Variants in PSMB7 observed in about 807,000 individuals in gnomAD.
The protein encoded by PSMB7 is proteasome subunit beta type-7.
PSMB7 carries 5 observed loss-of-function variants against 28.1 expected under a neutral mutation model. The observed-to-expected ratio is 0.18, with a 90% CI of 0.09 to 0.37. PSMB7 has a LOEUF of 0.37. PSMB7 is among the 10% of genes least tolerant of loss of function. The pLI, the probability that PSMB7 is intolerant of heterozygous loss-of-function variation, is 1.00. For missense variants in PSMB7, 275 were observed against 346.2 expected (o/e 0.79, Z 1.63); for synonymous variants, 122 against 123.7 (o/e 0.99, Z 0.09).
chr9:124,368,101 CTCTTTCACCAAAAATTATAT>C (rs562878364), intron 6 of PSMB7, among the ~76,000 whole-genome samples: 1 of 152,196 alleles, frequency 6.6e-6, no homozygotes, highest in Non-Finnish European at 1.5e-5. Flanking sequence ...TTCATTTATT[CTCTTTCACCAAAAATTATAT>C]TCTAAAAAGA....
intron 3 of PSMB7, 29 bp downstream of exon 3, chr9:124,413,879 A>C (rs1212340337): frequency 9.6e-6 from 14 of 1,454,578 alleles, no homozygotes; most frequent in Non-Finnish European, 1.3e-5. Flanking sequence ...TTGAAAATAT[A>C]AGAGTTATTC....
intron 6 of PSMB7, 97 bp from the exon 7 acceptor site, chr9:124,357,012 G>A (rs1172083962): frequency 9.9e-6 from 13 of 1,316,040 alleles, no homozygotes; most frequent in South Asian, 4.1e-5. Context: ...AAGACCTCCC[G>A]CGAGACAGGT....
intron 5 of PSMB7, among the ~76,000 whole-genome samples, chr9:124,402,127 C>A (rs1830916635): frequency 1.3e-5 from 2 of 152,198 alleles, no homozygotes; most frequent in East Asian, 1.9e-4. Context: ...TCTCCTTAAT[C>A]TGGCATTTTA....
Position 124,415,345 on chromosome 9 carries a change from G to A in PSMB7, c.62+19C>T, listed in dbSNP as rs893256581. ...GCACTCTTCTCCCTCCCTGAACCAAGCCCCAAGCAAGGCGGCACCTGCGGC... is the reference window on the plus strand; with the variant it reads ...GCACTCTTCTCCCTCCCTGAACCAAACCCCAAGCAAGGCGGCACCTGCGGC... On this transcript the variant is annotated intron_variant, in intron 1 of 7. Coordinates refer to ENST00000259457, the MANE Select transcript of PSMB7 (RefSeq NM_002799.4). The A allele has an allele frequency of 1.2e-6, 2 of 1,612,954 alleles. No homozygotes were observed. The highest frequency in any genetic ancestry group is 2.2e-5 in the East Asian group (1 of 44,856).
chr9:124,371,999 A>G lies in PSMB7; in HGVS notation c.570+12599T>C, dbSNP rs576408434. ...TCTAGGAAATATGTAAAGCAAAAAC[A>G]TTGCTTTTTACAAAAACACTGCTTT... On this transcript the variant is annotated intron_variant, in intron 6 of 7. Transcript: ENST00000259457. 2.0e-5 allele frequency among the ~76,000 whole-genome samples: 3 copies of G among 152,384 alleles called. No homozygotes were observed. The East Asian group carries it at 5.8e-4, about 29-fold the overall frequency.
At chr9:124,390,445 T>C (rs1014509544) in intron 5 of PSMB7, among the ~76,000 whole-genome samples, 1 of 151,542 alleles carries the variant, frequency 6.6e-6, no homozygotes, top group African/African-American at 2.4e-5. Flanking sequence ...GAAGTAAATG[T>C]AAAGGTTCAA....
At chr9:124,363,437 C>A (rs1361065345) in intron 6 of PSMB7, among the ~76,000 whole-genome samples, 2 of 152,234 alleles carry the variant, frequency 1.3e-5, no homozygotes, top group East Asian at 3.8e-4. Flanking sequence ...TGCACTGAGT[C>A]ACAGACTTGA....
intron 5 of PSMB7, among the ~76,000 whole-genome samples, chr9:124,402,642 A>T (rs1442619927): frequency 6.6e-6 from 1 of 152,220 alleles, no homozygotes; most frequent in African/African-American, 2.4e-5. Context: ...ATCTGAGTAA[A>T]GGACAGATCA....
chr9:124,394,486 A>G (rs1165618436), intron 5 of PSMB7, among the ~76,000 whole-genome samples: 1 of 152,186 alleles, frequency 6.6e-6, no homozygotes, highest in Non-Finnish European at 1.5e-5. Context: ...ATTTCCTTTA[A>G]CTGTTCTGAA....
intron 5 of PSMB7, among the ~76,000 whole-genome samples, chr9:124,399,601 G>A (rs1185259410): frequency 6.6e-6 from 1 of 152,196 alleles, no homozygotes; most frequent in Non-Finnish European, 1.5e-5. Flanking sequence ...ATGAGAAAAA[G>A]GGCCTAGAGC....
Position 124,356,740 on chromosome 9 carries a change from A to G in PSMB7, c.722+24T>C, listed in dbSNP as rs947351221. Reference sequence around the variant, plus strand: ...TGGCCACGACGCCAGGGGACCCAGGAAGAACTTCGTCTCCTTCACTCACCT... The same window carrying G: ...TGGCCACGACGCCAGGGGACCCAGGGAGAACTTCGTCTCCTTCACTCACCT... On this transcript the variant is annotated intron_variant, in intron 7 of 7. Coordinates refer to ENST00000259457, the MANE Select transcript of PSMB7 (RefSeq NM_002799.4). This position sits in a 1 kb window ranked among gnomAD's most constrained non-coding sequence, Gnocchi z 4.4. 3.8e-6 allele frequency: 6 copies of G among 1,598,940 alleles called. No individual in the cohort carries two copies. The highest frequency in any genetic ancestry group is 5.1e-6 in the Non-Finnish European group (6 of 1,168,988).
chr9:124,414,111 A>T (rs2131184469), intron 2 of PSMB7, 106 bp from the exon 3 acceptor site: 1 of 639,962 alleles, frequency 1.6e-6, no homozygotes, highest in Non-Finnish European at 2.7e-6. Context: ...TGCTCCCCTA[A>T]TCTCAAAACG....
intron 2 of PSMB7, 126 bp downstream of exon 2, chr9:124,414,716 A>T: frequency 8.1e-6 from 6 of 737,142 alleles, no homozygotes. Flanking sequence ...CTCCTGAAAG[A>T]CGGTCTCCTG....
At chr9:124,379,908 A>G (rs1276922093) in intron 6 of PSMB7, among the ~76,000 whole-genome samples, 1 of 152,214 alleles carries the variant, frequency 6.6e-6, no homozygotes, top group Non-Finnish European at 1.5e-5. Flanking sequence ...GGGTTATCCT[A>G]CTGTCTCAAG....
intron 4 of PSMB7, among the ~76,000 whole-genome samples, chr9:124,407,024 G>T (rs1353363149): frequency 6.6e-6 from 1 of 152,098 alleles, no homozygotes; most frequent in African/African-American, 2.4e-5. Flanking sequence ...AGAAGAATTA[G>T]ATCTACATTT....
At chr9:124,376,769 C>A (rs1211586563) in intron 6 of PSMB7, among the ~76,000 whole-genome samples, 1 of 152,202 alleles carries the variant, frequency 6.6e-6, no homozygotes, top group African/African-American at 2.4e-5. Context: ...TGGCTGAACC[C>A]ATCGGAGGGC....
intron 6 of PSMB7, among the ~76,000 whole-genome samples, chr9:124,371,821 T>G (rs1010304341): frequency 6.6e-6 from 1 of 152,216 alleles, no homozygotes; most frequent in African/African-American, 2.4e-5. Flanking sequence ...TTCAACACTA[T>G]CTCTGAATCT....
intron 5 of PSMB7, among the ~76,000 whole-genome samples, chr9:124,386,440 C>G (rs187941152): frequency 9.8e-5 from 15 of 152,332 alleles, no homozygotes; most frequent in South Asian, 4.1e-4. Context: ...GAGAACCAGT[C>G]TCAGACTTAC....
At chr9:124,414,256 T>C (rs1381217655) in intron 2 of PSMB7, among the ~76,000 whole-genome samples, 1 of 152,258 alleles carries the variant, frequency 6.6e-6, no homozygotes, top group African/African-American at 2.4e-5. Flanking sequence ...AGGTGTCGGG[T>C]AAATTCCTTG....
Sources: allele counts gnomAD v4.1 joint callset (sites outside exome capture counted in the v4.1 genomes callset), GRCh38; gene constraint gnomAD v4.1.1; non-coding constraint Gnocchi (gnomAD v3.1); transcripts MANE v1.5; gene names NCBI Gene and HGNC (gene_info 2026-07-23, HGNC 2026-07-21).